SCUBE1: variants seen among roughly 807,000 people sequenced by gnomAD.
SCUBE1 encodes the protein signal peptide, CUB domain and EGF like domain containing 1, also known as signal peptide, CUB and EGF-like domain-containing protein 1.
Under a neutral mutation model 124.4 loss-of-function variants are expected in SCUBE1, and 59 were observed. The observed-to-expected ratio is 0.47, with a 90% confidence interval of 0.38 to 0.59. SCUBE1 has a LOEUF of 0.59. SCUBE1 is among the 20% of genes least tolerant of loss of function. The probability of loss-of-function intolerance (pLI) is 0.00; values close to 1 mark genes in which losing one functional copy is unlikely to be tolerated. For missense variants in SCUBE1, 1,150 were observed against 1,371.2 expected, an observed-to-expected ratio of 0.84 and a Z score of 2.55; for synonymous variants, 545 against 550.9, an observed-to-expected ratio of 0.99 and a Z score of 0.15.
Position 43,238,781 on chromosome 22 carries a change from G to C in SCUBE1, c.844+57C>G, listed in dbSNP as rs1252888902. ...CTGGGCCCGGCTATGCAAGCACACG[G>C]AGGCTCTTGGCCAGGCCAGTACAGG... On this transcript the variant is annotated intron_variant, in intron 7 of 21. Transcript: ENST00000360835. 3 of 1,406,504 alleles carry C rather than the reference G, an allele frequency of 2.1e-6. No homozygotes were observed. In the African/African-American group the frequency reaches 4.2e-5, roughly 20 times the overall value. The allele number at this position is 1,406,504 out of a possible 1,614,324, so 87.1% of individuals were successfully genotyped here.
intron 6 of SCUBE1, among the ~76,000 whole-genome samples, chr22:43,241,466 C>T (rs1028613606): frequency 1.3e-5 from 2 of 152,006 alleles, no homozygotes; most frequent in African/African-American, 4.8e-5. Flanking sequence ...CCTGCTCCAT[C>T]TGAGTCTAAC....
intron 6 of SCUBE1, among the ~76,000 whole-genome samples, chr22:43,253,859 G>C (rs774115070): frequency 2.6e-5 from 4 of 152,238 alleles, no homozygotes; most frequent in Non-Finnish European, 5.9e-5. Flanking sequence ...GCCTCAGACA[G>C]TAGTGCCCGC....
Position 43,202,560 on chromosome 22 carries a change from A to C in SCUBE1, c.*1437T>G, listed in dbSNP as rs1921047758. The C allele has an allele frequency of 6.6e-6, 1 of 151,998 alleles. No homozygotes were observed. The highest frequency in any genetic ancestry group is 1.5e-5 in the Non-Finnish European group (1 of 68,026). The allele number at this position is 151,998 out of a possible 1,614,324, so 9.4% of individuals were successfully genotyped here. ...GGCGCTGGCCTTCCGGCTGGGTGGG[A>C]CACATGCACTCGGTCACAGCCCAGA... On this transcript the variant is annotated 3_prime_UTR_variant, in exon 22 of 22. Transcript: ENST00000360835.
At chr22:43,268,118 G>A (rs991807147) in intron 4 of SCUBE1, among the ~76,000 whole-genome samples, 1 of 152,180 alleles carries the variant, frequency 6.6e-6, no homozygotes, top group Non-Finnish European at 1.5e-5. Context: ...TGTGTCCACC[G>A]ATGCCAGCCT....
rs1203469333 is a variant in SCUBE1 at position 43,210,159 on chromosome 22, G to A, written c.2465C>T (p.Ala822Val). The A allele has an allele frequency of 6.2e-7, 1 of 1,609,842 alleles. No homozygotes were observed. Among genetic ancestry groups the A allele is most frequent in the African/African-American group, 1.3e-5 (1 of 74,842 alleles). The change falls in exon 19 of 22, where the codon GCT becomes GTT. Residue 822 changes from alanine (A) to valine (V), a missense_variant. By Grantham distance (64) the Ala-to-Val change is moderately conservative (BLOSUM62 0). This residue lies in a region of SCUBE1 where 757 missense variants were observed against 840.9 expected (regional missense o/e 0.90). Coordinates refer to ENST00000360835, the MANE Select transcript of SCUBE1 (RefSeq NM_173050.5). The surrounding 1 kb of genome is among the most constrained non-coding windows in gnomAD (Gnocchi z 4.5). ...AGGCGCGATGTGCCAGACGCATTCAGCGTTGGCTGGGTAGTCGCCAGGGTA... is the reference window on the plus strand; with the variant it reads ...AGGCGCGATGTGCCAGACGCATTCAACGTTGGCTGGGTAGTCGCCAGGGTA... The part of the protein sequence containing the change: ...PNYPGDYPAN[A>V]ECVWHIAPPP...
At chr22:43,298,463 C>A (rs1255788190) in intron 3 of SCUBE1, among the ~76,000 whole-genome samples, 1 of 152,208 alleles carries the variant, frequency 6.6e-6, no homozygotes, top group African/African-American at 2.4e-5. Context: ...GCTTTCCAGA[C>A]CAGCAAGCTC....
intron 4 of SCUBE1, among the ~76,000 whole-genome samples, chr22:43,288,576 T>C (rs1307513532): frequency 2.0e-5 from 3 of 152,208 alleles, no homozygotes; most frequent in Admixed American, 2.0e-4. Flanking sequence ...CCCAGGGCCT[T>C]TGCACGCGCC....
intron 2 of SCUBE1, among the ~76,000 whole-genome samples, chr22:43,332,023 A>G (rs1164044635): frequency 6.6e-6 from 1 of 152,228 alleles, no homozygotes; most frequent in East Asian, 1.9e-4. Flanking sequence ...GCGGTGGCTC[A>G]TGCCTATAAT....
chr22:43,341,844 A>T (rs541561942), intron 1 of SCUBE1, among the ~76,000 whole-genome samples: 21 of 152,054 alleles, frequency 1.4e-4, no homozygotes, highest in Middle Eastern at 6.8e-3. Flanking sequence ...TTCCACGGAG[A>T]GGGTCGTGGA....
At chr22:43,287,951 C>A (rs1028576753) in intron 4 of SCUBE1, among the ~76,000 whole-genome samples, 1 of 152,214 alleles carries the variant, frequency 6.6e-6, no homozygotes, top group Non-Finnish European at 1.5e-5. Flanking sequence ...TAATGGGCCG[C>A]TGACCACTGT....
chr22:43,266,836 C>A (rs1476726719), intron 4 of SCUBE1, among the ~76,000 whole-genome samples: 1 of 152,186 alleles, frequency 6.6e-6, no homozygotes, highest in African/African-American at 2.4e-5. Context: ...GATGCTACGT[C>A]CCCTGAAGCT....
At chr22:43,281,466 CCCT>C (rs1174030808) in intron 4 of SCUBE1, among the ~76,000 whole-genome samples, 10 of 104,880 alleles carry the variant, frequency 9.5e-5, no homozygotes, top group Non-Finnish European at 1.6e-4. Context: ...CCCTCAGCCA[CCCT>C]CCTGTCACCT....
chr22:43,212,550 G>A lies in SCUBE1; in HGVS notation c.2096C>T (p.Pro699Leu), dbSNP rs1422468623. Residue 699 changes from proline (P) to leucine (L), a missense_variant, in exon 17 of 22, where the codon CCC becomes CTC. By Grantham distance (98) the Pro-to-Leu change is moderately conservative. This residue lies in a region of SCUBE1 where 757 missense variants were observed against 840.9 expected (regional missense o/e 0.90). Coordinates refer to ENST00000360835, the MANE Select transcript of SCUBE1 (RefSeq NM_173050.5). ...CGTGCCCACGGGGCAGGCCTGGCAGGGCTTGAAGCCATCGGCCGAGAAGAA... is the reference window on the plus strand; with the variant it reads ...CGTGCCCACGGGGCAGGCCTGGCAGAGCTTGAAGCCATCGGCCGAGAAGAA... ...PGFFSADGFK[P>L]CQACPVGTYQ... is the part of the protein sequence containing the mutation. 6.4e-7 allele frequency: 1 copy of A among 1,565,756 alleles called. No homozygotes were observed. The highest frequency in any genetic ancestry group is 8.6e-7 in the Non-Finnish European group (1 of 1,156,168).
intron 3 of SCUBE1, among the ~76,000 whole-genome samples, chr22:43,296,153 C>T (rs1042601065): frequency 6.6e-6 from 1 of 152,232 alleles, no homozygotes; most frequent in African/African-American, 2.4e-5. Context: ...GTGGCCTGCA[C>T]CCTACCCTGG....
At chr22:43,244,042 A>G (rs936260052) in intron 6 of SCUBE1, among the ~76,000 whole-genome samples, 14 of 152,156 alleles carry the variant, frequency 9.2e-5, no homozygotes, top group African/African-American at 3.4e-4. Flanking sequence ...GGGGAGCTAC[A>G]GAGATGAATG....
intron 2 of SCUBE1, among the ~76,000 whole-genome samples, chr22:43,337,599 G>T (rs548892285): frequency 6.6e-6 from 1 of 152,340 alleles, no homozygotes; most frequent in South Asian, 2.1e-4. Context: ...AGGTCTGTGG[G>T]TAGGCGCCAG....
rs756290447 is a variant in SCUBE1, at chr22:43,201,303, C to CAAAAAAAAAAAAAAAAAAAAAAAAAA, written c.*2693_*2694insTTTTTTTTTTTTTTTTTTTTTTTTTT. ...TGGGTGACAGAGCGAGACTCCATCT[C>CAAAAAAAAAAAAAAAAAAAAAAAAAA]AAAAAAAAAAAAAAAAAAAAAAAAG... On this transcript the variant is annotated 3_prime_UTR_variant, in exon 22 of 22. Transcript: ENST00000360835. 2.3e-5 allele frequency: 1 copy of CAAAAAAAAAAAAAAAAAAAAAAAAAA among 44,006 alleles called. No individual in the cohort carries two copies. Among genetic ancestry groups the CAAAAAAAAAAAAAAAAAAAAAAAAAA allele is most frequent in the African/African-American group, 8.3e-5 (1 of 12,018 alleles). 2.7% of individuals were successfully genotyped at this position (44,006 alleles called of 1,614,324 possible).
At chr22:43,328,714 G>A (rs1457300212) in intron 2 of SCUBE1, among the ~76,000 whole-genome samples, 1 of 152,138 alleles carries the variant, frequency 6.6e-6, no homozygotes, top group African/African-American at 2.4e-5. Context: ...GGCCTGAGCT[G>A]GCCTAGTGCA....
intron 2 of SCUBE1, among the ~76,000 whole-genome samples, chr22:43,334,334 T>C (rs1050855268): frequency 1.3e-5 from 2 of 152,242 alleles, no homozygotes; most frequent in South Asian, 2.1e-4. Flanking sequence ...CACACCTGAC[T>C]GTTCACCTCT....
Sources: gnomAD v4.1 joint callset for allele counts (sites outside exome capture counted in the v4.1 genomes callset) on GRCh38, gnomAD v4.1.1 for gene constraint, gnomAD v4.1.1 regional missense constraint, Gnocchi (gnomAD v3.1) non-coding constraint, MANE v1.5 for transcripts, NCBI Gene and HGNC (gene_info 2026-07-23, HGNC 2026-07-21) for gene names.